Variants in ZFP64 observed in about 807,000 individuals in gnomAD.
The protein encoded by ZFP64 is ZFP64 zinc finger protein, also known as zinc finger protein 64.
Under a neutral mutation model 51.6 loss-of-function variants are expected in ZFP64, and 14 were observed. That is an observed-to-expected ratio of 0.27 (90% CI 0.18 to 0.42). ZFP64 has a LOEUF of 0.42. Ranked by LOEUF, ZFP64 falls within the 10% of genes least tolerant of loss-of-function variation. The probability of loss-of-function intolerance (pLI) is 1.00; values close to 1 mark genes in which losing one functional copy is unlikely to be tolerated. For missense variants in ZFP64, 754 were observed against 906.8 expected, an observed-to-expected ratio of 0.83 and a Z score of 2.16; for synonymous variants, 375 against 361.4, an observed-to-expected ratio of 1.04 and a Z score of -0.43.
At chr20:52,161,621 C>T (rs1019705498) in intron 4 of ZFP64, among the ~76,000 whole-genome samples, 1 of 152,094 alleles carries the variant, frequency 6.6e-6, no homozygotes, top group Non-Finnish European at 1.5e-5. Context: ...GAACCCATTC[C>T]TTACTTGGCC....
intron 5 of ZFP64, among the ~76,000 whole-genome samples, chr20:52,115,194 T>G (rs1978796637): frequency 1.4e-5 from 1 of 71,658 alleles, no homozygotes; most frequent in African/African-American, 4.7e-5. Flanking sequence ...ACAGAGTGAG[T>G]CTCAAAAAAA....
Position 52,160,832 on chromosome 20 carries a change from T to C in ZFP64, c.512-458A>G, listed in dbSNP as rs1402458432. Among the ~76,000 whole-genome samples the C allele has an allele frequency of 6.6e-6, 1 of 152,188 alleles. No individual in the cohort carries two copies. Among genetic ancestry groups the C allele is most frequent in the Admixed American group, 6.5e-5 (1 of 15,276 alleles). On this transcript the variant is annotated intron_variant, in intron 4 of 5. Coordinates refer to ENST00000216923, the MANE Select transcript of ZFP64 (RefSeq NM_018197.3). This position sits in a 1 kb window ranked among gnomAD's most constrained non-coding sequence, Gnocchi z 4.2. ...GCCTCGCCTGCAGCTAGCTGTGATC[T>C]GTGACTAAGTTCCTATCAAAGCGAT...
intron 5 of ZFP64, among the ~76,000 whole-genome samples, chr20:52,132,584 A>C (rs919225993): frequency 2.0e-5 from 3 of 152,204 alleles, no homozygotes; most frequent in Admixed American, 1.3e-4. Context: ...GAGCAACTGC[A>C]TGTCAATAAA....
intron 2 of ZFP64, among the ~76,000 whole-genome samples, chr20:52,183,621 C>T (rs1287646489): frequency 1.3e-5 from 2 of 152,102 alleles, no homozygotes; most frequent in South Asian, 2.1e-4. Context: ...TTCTTGGTGA[C>T]TTCCTTTAAG....
exon 9 of ZFP64, chr20:52,084,808 G>A (rs998857035): frequency 1.2e-6 from 2 of 1,614,036 alleles, no homozygotes; most frequent in East Asian, 2.2e-5. Context: ...CCCTCTCTGA[G>A]CCCTTCCTTG....
rs6091468 is a variant in ZFP64, at chr20:52,191,360, A to G, written c.46+231T>C. Among the ~76,000 whole-genome samples the G allele has an allele frequency of 0.35, 53,718 of 151,920 alleles. 9,797 individuals are homozygous for G. Among genetic ancestry groups the G allele is most frequent in the South Asian group, 0.45 (2,153 of 4,824 alleles). ...CTGTTCCCTTCCAAGGGGTCTCGCA[A>G]GGCTGGAGAGCGCCCCCGGTCTTGC... is the stretch of plus-strand genomic sequence containing the variant. On this transcript the variant is annotated intron_variant, in intron 1 of 5. Transcript: ENST00000216923. The surrounding 1 kb of genome is among the most constrained non-coding windows in gnomAD (Gnocchi z 4.3).
rs142296912 is a variant in ZFP64 at position 52,158,249 on chromosome 20, G to C, written c.763+1874C>G. ...AGACAACTTGTCTTTTATTTCAACC[G>C]TCTCTAGATGAAGAGAAACCATATC... On this transcript the variant is annotated intron_variant, in intron 5 of 5. Coordinates refer to ENST00000216923, the MANE Select transcript of ZFP64 (RefSeq NM_018197.3). 7.2e-3 allele frequency among the ~76,000 whole-genome samples: 1,100 copies of C among 152,222 alleles called. 7 individuals carry two copies. Among genetic ancestry groups the C allele is most frequent in the Non-Finnish European group, 0.011 (782 of 68,030 alleles).
chr20:52,136,731 A>T (rs1980001062), intron 5 of ZFP64, among the ~76,000 whole-genome samples: 1 of 152,206 alleles, frequency 6.6e-6, no homozygotes, highest in African/African-American at 2.4e-5. Flanking sequence ...TTTTCAAATT[A>T]TATAATATAT....
At chr20:52,119,533 A>AAAATAT (rs1457197109) in intron 5 of ZFP64, among the ~76,000 whole-genome samples, 14 of 89,836 alleles carry the variant, frequency 1.6e-4, no homozygotes, top group African/African-American at 5.7e-4. Context: ...AAAAAAAAAA[A>AAAATAT]ATATATATAT....
chr20:52,162,650 A>C (rs1981917889), intron 4 of ZFP64, among the ~76,000 whole-genome samples: 1 of 152,126 alleles, frequency 6.6e-6, no homozygotes, highest in African/African-American at 2.4e-5. Context: ...AAAAACAAAA[A>C]CACAAACAAA....
At chr20:52,135,581 G>A (rs1288236657) in intron 5 of ZFP64, among the ~76,000 whole-genome samples, 1 of 152,030 alleles carries the variant, frequency 6.6e-6, no homozygotes, top group Non-Finnish European at 1.5e-5. Context: ...TGACGTCCTG[G>A]GCTCAAGTGA....
At chr20:52,178,434 T>A (rs1284104217) in intron 2 of ZFP64, among the ~76,000 whole-genome samples, 1 of 152,160 alleles carries the variant, frequency 6.6e-6, no homozygotes, top group African/African-American at 2.4e-5. Context: ...AAAAACTACT[T>A]TATATAGAGT....
intron 5 of ZFP64, among the ~76,000 whole-genome samples, chr20:52,119,181 T>C (rs915629096): frequency 2.0e-5 from 3 of 151,256 alleles, no homozygotes; most frequent in East Asian, 1.9e-4. Flanking sequence ...AAAAAAGAAG[T>C]GAGTTGAAGT....
intron 2 of ZFP64, among the ~76,000 whole-genome samples, chr20:52,184,271 T>A (rs1019880205): frequency 2.0e-5 from 3 of 152,228 alleles, no homozygotes; most frequent in Admixed American, 2.0e-4. Flanking sequence ...CAAAGTTTTA[T>A]ATTTGGAAAA....
At chr20:52,116,618 T>C (rs1825572007) in intron 5 of ZFP64, among the ~76,000 whole-genome samples, 1 of 152,088 alleles carries the variant, frequency 6.6e-6, no homozygotes, top group Non-Finnish European at 1.5e-5. Flanking sequence ...ATATATTAAG[T>C]GAAACATCCA....
intron 5 of ZFP64, among the ~76,000 whole-genome samples, chr20:52,113,490 C>T (rs767628716): frequency 1.8e-4 from 25 of 138,774 alleles, no homozygotes; most frequent in Non-Finnish European, 3.6e-4. Flanking sequence ...TGCAGTGGCG[C>T]GATCTCGGCT....
chr20:52,084,533 A>C, exon 9 of ZFP64: 9 of 1,595,718 alleles, frequency 5.6e-6, no homozygotes, highest in Non-Finnish European at 7.7e-6. Flanking sequence ...AAGTTCCGAC[A>C]GCTGACCACC....
intron 5 of ZFP64, among the ~76,000 whole-genome samples, chr20:52,111,421 G>C (rs552808719): frequency 6.6e-6 from 1 of 151,928 alleles, no homozygotes; most frequent in East Asian, 2.0e-4. Flanking sequence ...CTCCATGTTG[G>C]TCAGGCTGGT....
intron 1 of ZFP64, among the ~76,000 whole-genome samples, chr20:52,190,499 T>C (rs1270860055): frequency 6.6e-6 from 1 of 152,100 alleles, no homozygotes; most frequent in African/African-American, 2.4e-5. Flanking sequence ...AACACGGGCT[T>C]GTTATGAGAA....
Sources: allele counts gnomAD v4.1 joint callset (sites outside exome capture counted in the v4.1 genomes callset), GRCh38; gene constraint gnomAD v4.1.1; non-coding constraint Gnocchi (gnomAD v3.1); transcripts MANE v1.5; gene names NCBI Gene and HGNC (gene_info 2026-07-23, HGNC 2026-07-21).